PAK3: variants seen among roughly 807,000 people sequenced by gnomAD.
PAK3 encodes serine/threonine-protein kinase PAK 3.
In PAK3, 4 loss-of-function variants were observed where a neutral mutation model predicts 41.0. The ratio of observed to expected loss-of-function variants is 0.10; its 90% CI spans 0.05 to 0.22. The LOEUF (loss-of-function observed/expected upper bound fraction) is 0.22, where lower values mean the gene tolerates loss of function less well. PAK3 is among the 10% of genes least tolerant of loss of function. The probability of loss-of-function intolerance (pLI) is 1.00; values close to 1 mark genes in which losing one functional copy is unlikely to be tolerated. For synonymous variants in PAK3, 146 were observed against 139.6 expected (o/e 1.05, Z -0.32); for missense variants, 205 against 409.9 (o/e 0.50, Z 4.32).
rs892827266 is a variant in PAK3, at chrX:111,224,044, T to G, written c.*3597T>G. ...ACATAGAAAAGATGCCAGAAGCAGA[T>G]GCCTTCTGGCCAGAGCGCAGAGCAT... is the stretch of plus-strand genomic sequence containing the variant. On this transcript the variant is annotated 3_prime_UTR_variant, in exon 18 of 18. Coordinates refer to ENST00000372007, the MANE Select transcript of PAK3 (RefSeq NM_002578.5). 4.5e-5 allele frequency: 5 copies of G among 112,216 alleles called. No individual in the cohort carries two copies. The South Asian group carries it at 1.9e-3, about 42-fold the overall frequency. The allele number at this position is 112,216 out of a possible 1,213,427, so 9.2% of individuals were successfully genotyped here.
chrX:111,189,964 G>T (rs920245261), intron 11 of PAK3, among the ~76,000 whole-genome samples: 8 of 111,694 alleles, frequency 7.2e-5, no homozygotes, highest in African/African-American at 2.6e-4. Context: ...AGTCATATTG[G>T]CATTGCATGT....
chrX:111,051,578 GC>G (rs1357046235), intron 1 of PAK3, among the ~76,000 whole-genome samples: 1 of 111,314 alleles, frequency 9.0e-6, no homozygotes, highest in African/African-American at 3.3e-5. Flanking sequence ...CATTTTTCTT[GC>G]CCCATCACTG....
intron 10 of PAK3, among the ~76,000 whole-genome samples, chrX:111,170,613 CAA>C (rs1484225867): frequency 9.0e-6 from 1 of 111,243 alleles, no homozygotes; most frequent in African/African-American, 3.3e-5. Flanking sequence ...TTCTAGGCTC[CAA>C]AGTTACAGGG....
chrX:111,136,342 A>C (rs1321300005), intron 5 of PAK3, among the ~76,000 whole-genome samples: 1 of 111,673 alleles, frequency 9.0e-6, no homozygotes, highest in Non-Finnish European at 1.9e-5. Flanking sequence ...CCCTCCAGCA[A>C]CTCTTGGCAG....
At chrX:111,055,700 A>G (rs1173471704) in intron 1 of PAK3, among the ~76,000 whole-genome samples, 1 of 111,784 alleles carries the variant, frequency 8.9e-6, no homozygotes, top group African/African-American at 3.3e-5. Flanking sequence ...TACATCAACC[A>G]TCAACGCTGA....
intron 1 of PAK3, among the ~76,000 whole-genome samples, chrX:110,946,932 A>G (rs1327653725): frequency 8.9e-6 from 1 of 112,246 alleles, no homozygotes; most frequent in East Asian, 2.8e-4. Flanking sequence ...TCTGTGCTGT[A>G]TGTTAGTTTT....
chrX:111,185,215 A>C (rs1351063099), intron 11 of PAK3, among the ~76,000 whole-genome samples: 1 of 111,659 alleles, frequency 9.0e-6, no homozygotes, highest in African/African-American at 3.3e-5. Context: ...GTGTCTGTTC[A>C]TATCCTTTGC....
intron 1 of PAK3, among the ~76,000 whole-genome samples, chrX:111,065,438 G>A (rs1333813941): frequency 9.0e-6 from 1 of 110,942 alleles, no homozygotes; most frequent in African/African-American, 3.3e-5. Context: ...TTTTTGATGT[G>A]CTGCTGGATT....
intron 7 of PAK3, among the ~76,000 whole-genome samples, chrX:111,150,164 C>G (rs1490454907): frequency 8.9e-6 from 1 of 111,840 alleles, no homozygotes; most frequent in African/African-American, 3.3e-5. Context: ...GCTCCAGTTC[C>G]CAAAAGTTCC....
At chrX:111,173,276 C>T (rs992868213) in intron 11 of PAK3, among the ~76,000 whole-genome samples, 195 bp downstream of exon 11, 1 of 111,466 alleles carries the variant, frequency 9.0e-6, no homozygotes, top group Admixed American at 9.5e-5. Flanking sequence ...GGAACACATC[C>T]TGCTGAAATC....
At chrX:110,991,836 A>G (rs1379233099) in intron 1 of PAK3, among the ~76,000 whole-genome samples, 1 of 111,593 alleles carries the variant, frequency 9.0e-6, no homozygotes, top group East Asian at 2.8e-4. Context: ...TTAATAAGTA[A>G]CTACTGTGTG....
At chrX:111,171,308 A>G (rs1470141419) in intron 10 of PAK3, among the ~76,000 whole-genome samples, 1 of 111,629 alleles carries the variant, frequency 9.0e-6, no homozygotes, top group African/African-American at 3.2e-5. Flanking sequence ...TGTGTTAGTA[A>G]GATATAACTC....
intron 4 of PAK3, among the ~76,000 whole-genome samples, chrX:111,118,762 G>A (rs1267477808): frequency 9.0e-6 from 1 of 111,645 alleles, no homozygotes; most frequent in Non-Finnish European, 1.9e-5. Context: ...ATATGAAATA[G>A]TTATGTCTAA....
At chrX:110,951,678 G>A (rs1020892826) in intron 1 of PAK3, among the ~76,000 whole-genome samples, 1 of 112,411 alleles carries the variant, frequency 8.9e-6, no homozygotes, top group Non-Finnish European at 1.9e-5. Flanking sequence ...CTAACTGCAC[G>A]TGGAACACCT....
At position 110,970,852 on chromosome X, in the gene PAK3, C is replaced by T. The variant is rs190181341; in HGVS notation, c.-28+26224C>T. On this transcript the variant is annotated intron_variant, in intron 1 of 14. Transcript: ENST00000425146. ...AGATCAAGGCTCATTTTTATAAATT[C>T]GTTGACATATTATTCTGTGTAGATG... Among the ~76,000 whole-genome samples, 180 of 111,912 alleles carry T rather than the reference C, an allele frequency of 1.6e-3. 1 individual carries two copies. Among genetic ancestry groups the T allele is most frequent in the African/African-American group, 5.5e-3 (169 of 30,823 alleles).
Position 110,984,883 on chromosome X carries a change from C to A in PAK3, c.-28+40255C>A, listed in dbSNP as rs776142768. 2.7e-5 allele frequency among the ~76,000 whole-genome samples: 3 copies of A among 110,014 alleles called. No individual in the cohort carries two copies. The East Asian group carries it at 8.6e-4, about 32-fold the overall frequency. On this transcript the variant is annotated intron_variant, in intron 1 of 14. Transcript: ENST00000425146. ...GGGGTTCAAGACTGTAATTCCAGCA[C>A]TTTGGGAGGTCAGGGCGGGCAAATC...
intron 6 of PAK3, among the ~76,000 whole-genome samples, chrX:111,146,922 G>A (rs1321820428): frequency 9.0e-6 from 1 of 111,337 alleles, no homozygotes; most frequent in African/African-American, 3.3e-5. Flanking sequence ...AATTCTCCTT[G>A]GTTAGATTTC....
chrX:111,086,630 C>T (rs1175996220), intron 1 of PAK3, among the ~76,000 whole-genome samples: 3 of 111,098 alleles, frequency 2.7e-5, no homozygotes, highest in African/African-American at 9.8e-5. Context: ...CAAAACAGAG[C>T]CCGCAAATTA....
chrX:111,136,025 C>A (rs1409718691), intron 5 of PAK3, among the ~76,000 whole-genome samples: 1 of 110,232 alleles, frequency 9.1e-6, no homozygotes, highest in African/African-American at 3.3e-5. Flanking sequence ...AGGAGTGAGA[C>A]AGGAGAAGAG....
Sources: gnomAD v4.1 joint callset for allele counts (sites outside exome capture counted in the v4.1 genomes callset) on GRCh38, gnomAD v4.1.1 for gene constraint, MANE v1.5 for transcripts, NCBI Gene and HGNC (gene_info 2026-07-23, HGNC 2026-07-21) for gene names.